Variants in CEP128 observed in about 807,000 individuals in gnomAD.
CEP128 encodes centrosomal protein 128kDa.
In CEP128, 132 loss-of-function variants were observed where a neutral mutation model predicts 156.7. That is an observed-to-expected ratio of 0.84 (90% CI 0.73 to 0.97). The LOEUF is 0.97. CEP128 is among the 50% of genes least tolerant of loss of function. The pLI is 0.00. For synonymous variants in CEP128, 469 were observed against 448.9 expected (o/e 1.04, Z -0.57); for missense variants, 1,252 against 1,281.9 (o/e 0.98, Z 0.36).
intron 13 of CEP128, among the ~76,000 whole-genome samples, chr14:80,796,416 C>T (rs141522693): frequency 1.3e-4 from 20 of 151,892 alleles, no homozygotes; most frequent in African/African-American, 2.2e-4. Flanking sequence ...ACTGAGCTTC[C>T]GCCACTGCAC....
chr14:80,487,220 G>A (rs1315465284), downstream of CEP128, among the ~76,000 whole-genome samples: 1 of 152,020 alleles, frequency 6.6e-6, no homozygotes, highest in Non-Finnish European at 1.5e-5. Context: ...GGCAGGGGTT[G>A]CAATCCTAGT....
intron 20 of CEP128, among the ~76,000 whole-genome samples, chr14:80,563,182 T>C (rs10148916): frequency 0.57 from 85,935 of 151,750 alleles, 24,635 homozygotes; most frequent in East Asian, 0.72. Flanking sequence ...CCACCCACCC[T>C]TCCAAACCAC....
At chr14:80,858,757 A>C (rs1282416795) in intron 9 of CEP128, among the ~76,000 whole-genome samples, 1 of 151,910 alleles carries the variant, frequency 6.6e-6, no homozygotes, top group Non-Finnish European at 1.5e-5. Context: ...GACACTTTTC[A>C]AAAGAAGACA....
chr14:80,548,201 T>C (rs918535608), intron 21 of CEP128, among the ~76,000 whole-genome samples: 1 of 152,168 alleles, frequency 6.6e-6, no homozygotes, highest in Non-Finnish European at 1.5e-5. Context: ...CAGGGTCATG[T>C]GCCTGGCTAT....
chr14:80,477,853 C>A (rs1323871489), exon 15 of CEP128: 5 of 152,172 alleles, frequency 3.3e-5, no homozygotes, highest in Admixed American at 6.5e-5. Flanking sequence ...TTTTTCTTCA[C>A]CCAGGGCCTT....
chr14:80,564,412 T>C (rs1890824542), intron 20 of CEP128, among the ~76,000 whole-genome samples: 1 of 152,220 alleles, frequency 6.6e-6, no homozygotes, highest in Admixed American at 6.5e-5. Flanking sequence ...AGCCATATGA[T>C]ATAGGATTCC....
chr14:80,548,611 A>C (rs1366620263), intron 21 of CEP128, among the ~76,000 whole-genome samples: 1 of 152,196 alleles, frequency 6.6e-6, no homozygotes, highest in Non-Finnish European at 1.5e-5. Context: ...TACAATATAC[A>C]TTCATATTAT....
intron 19 of CEP128, among the ~76,000 whole-genome samples, chr14:80,674,020 T>C (rs1669211053): frequency 6.6e-6 from 1 of 151,984 alleles, no homozygotes; most frequent in East Asian, 1.9e-4. Flanking sequence ...CCAATCACCT[T>C]TCGTTTCTTA....
At chr14:80,501,850 T>C (rs950194703) in intron 24 of CEP128, among the ~76,000 whole-genome samples, 4 of 151,676 alleles carry the variant, frequency 2.6e-5, no homozygotes, top group South Asian at 2.1e-4. Context: ...AATTGAGGAC[T>C]AGCTAAAATG....
chr14:80,578,968 T>C (rs1296182583), intron 20 of CEP128, among the ~76,000 whole-genome samples: 1 of 152,210 alleles, frequency 6.6e-6, no homozygotes, highest in Non-Finnish European at 1.5e-5. Flanking sequence ...TCTATTGCAC[T>C]GGATGGACAT....
intron 18 of CEP128, among the ~76,000 whole-genome samples, chr14:80,748,152 G>A (rs1314428939): frequency 6.6e-6 from 1 of 152,128 alleles, no homozygotes; most frequent in African/African-American, 2.4e-5. Flanking sequence ...GTCTTGTCTG[G>A]ATGTCACTGG....
At chr14:80,505,906 C>G (rs1048617715) in intron 23 of CEP128, among the ~76,000 whole-genome samples, 26 of 152,068 alleles carry the variant, frequency 1.7e-4, no homozygotes, top group African/African-American at 4.6e-4. Flanking sequence ...TAAGAGAAAG[C>G]AAGACATTGG....
Position 80,550,261 on chromosome 14 carries a change from C to T in CEP128, c.2880+9018G>A, listed in dbSNP as rs1233998806. Reference sequence around the variant, plus strand: ...AGTATTTGGGAAGCTGATTAAATGCCGACTAATTGCAACTACTAATTACAC... The same window carrying T: ...AGTATTTGGGAAGCTGATTAAATGCTGACTAATTGCAACTACTAATTACAC... On this transcript the variant is annotated intron_variant, in intron 21 of 24. Transcript: ENST00000555265. Among the ~76,000 whole-genome samples, 9 of 152,030 alleles carry T rather than the reference C, an allele frequency of 5.9e-5. No individual in the cohort carries two copies. The East Asian group carries it at 7.7e-4, about 13-fold the overall frequency.
chr14:80,506,556 A>G (rs1216722180), intron 23 of CEP128, among the ~76,000 whole-genome samples: 1 of 152,000 alleles, frequency 6.6e-6, no homozygotes, highest in African/African-American at 2.4e-5. Context: ...AAATGTTGGC[A>G]AAAATTCCAT....
chr14:80,796,913 A>C (rs1017481581), intron 13 of CEP128, among the ~76,000 whole-genome samples: 4 of 152,242 alleles, frequency 2.6e-5, no homozygotes, highest in Non-Finnish European at 5.9e-5. Flanking sequence ...CAGTCCTACT[A>C]AAATGGCAGG....
intron 19 of CEP128, among the ~76,000 whole-genome samples, chr14:80,614,318 T>C (rs1366689766): frequency 6.6e-6 from 1 of 152,186 alleles, no homozygotes. Flanking sequence ...TGTGTCTTAT[T>C]TGGGATCTCT....
At chr14:80,491,414 G>A (rs137960886) in intron 6 of CEP128, among the ~76,000 whole-genome samples, 5 of 152,062 alleles carry the variant, frequency 3.3e-5, no homozygotes, top group Admixed American at 2.6e-4. Flanking sequence ...CAGGCCAGAG[G>A]GGGGGAAAAA....
intron 2 of CEP128, among the ~76,000 whole-genome samples, chr14:80,927,193 G>C (rs897326891): frequency 6.6e-6 from 1 of 152,130 alleles, no homozygotes; most frequent in Non-Finnish European, 1.5e-5. Context: ...ACACCCCGTC[G>C]GACAAAAGAA....
chr14:80,857,513 A>C (rs932133393), intron 9 of CEP128, among the ~76,000 whole-genome samples: 62 of 151,926 alleles, frequency 4.1e-4, no homozygotes, highest in African/African-American at 1.5e-3. Flanking sequence ...TGGGCAAATC[A>C]CTTGAGGTCA....
Sources: gnomAD v4.1 joint callset for allele counts (sites outside exome capture counted in the v4.1 genomes callset) on GRCh38, gnomAD v4.1.1 for gene constraint, MANE v1.5 for transcripts, NCBI Gene and HGNC (gene_info 2026-07-23, HGNC 2026-07-21) for gene names.